AGBL1: variants seen among roughly 807,000 people sequenced by gnomAD.
AGBL1 encodes the protein AGBL carboxypeptidase 1.
In AGBL1, 130 loss-of-function variants were observed where a neutral mutation model predicts 118.9. That is an observed-to-expected ratio of 1.09 (90% confidence interval 0.95 to 1.26). AGBL1 has a LOEUF of 1.26. Ranked by LOEUF, AGBL1 falls within the 50% of genes most tolerant of loss-of-function variation. The pLI, the probability that AGBL1 is intolerant of heterozygous loss-of-function variation, is 0.00. For missense variants in AGBL1, 1,584 were observed against 1,298.1 expected (o/e 1.22, Z -3.38); for synonymous variants, 555 against 478.9 (o/e 1.16, Z -2.08).
chr15:86,191,369 A>AAG (rs1214347585), intron 5 of AGBL1, among the ~76,000 whole-genome samples: 51 of 145,118 alleles, frequency 3.5e-4, no homozygotes, highest in South Asian at 2.5e-3. Flanking sequence ...AAAAAAAAAA[A>AAG]AGAGAGAGAG....
At chr15:86,871,849 C>T (rs529786915) in intron 22 of AGBL1, among the ~76,000 whole-genome samples, 1 of 152,270 alleles carries the variant, frequency 6.6e-6, no homozygotes, top group South Asian at 2.1e-4. Flanking sequence ...TCTACATCAT[C>T]CCTCAAATGA....
At chr15:86,656,757 G>A (rs2085467140) in intron 21 of AGBL1, among the ~76,000 whole-genome samples, 1 of 151,806 alleles carries the variant, frequency 6.6e-6, no homozygotes, top group Non-Finnish European at 1.5e-5. Flanking sequence ...ATCTTCCATT[G>A]TTTACCTTCC....
intron 22 of AGBL1, among the ~76,000 whole-genome samples, chr15:86,870,972 G>A (rs2079719552): frequency 6.6e-6 from 1 of 152,192 alleles, no homozygotes; most frequent in Non-Finnish European, 1.5e-5. Flanking sequence ...GGGCTAGCTT[G>A]CCTTTGGTGC....
At chr15:86,410,841 T>TATATATATATATATAA (rs67883935) in intron 18 of AGBL1, among the ~76,000 whole-genome samples, 29 of 64,532 alleles carry the variant, frequency 4.5e-4, no homozygotes, top group African/African-American at 1.8e-3. Flanking sequence ...TATATATATA[T>TATATATATATATATAA]AATATACTAT....
chr15:86,460,041 C>T (rs1310983501), intron 18 of AGBL1, among the ~76,000 whole-genome samples: 1 of 151,936 alleles, frequency 6.6e-6, no homozygotes, highest in Non-Finnish European at 1.5e-5. Context: ...TAAATTGGGC[C>T]ATTGTTATTT....
intron 6 of AGBL1, among the ~76,000 whole-genome samples, chr15:86,235,807 TTGTGGTTGTCACATC>T (rs1230799048): frequency 1.3e-5 from 2 of 152,218 alleles, no homozygotes; most frequent in Non-Finnish European, 2.9e-5. Flanking sequence ...CTGGAGACAT[TTGTGGTTGTCACATC>T]TGTGGTGGGA....
At chr15:86,730,411 A>G (rs1023504590) in intron 22 of AGBL1, among the ~76,000 whole-genome samples, 4 of 152,236 alleles carry the variant, frequency 2.6e-5, no homozygotes, top group Admixed American at 1.3e-4. Context: ...CAAACAAGCA[A>G]AAAACTAGCA....
At chr15:86,611,528 G>A (rs773074355) in intron 21 of AGBL1, among the ~76,000 whole-genome samples, 101 of 152,242 alleles carry the variant, frequency 6.6e-4, no homozygotes, top group Non-Finnish European at 1.1e-3. Context: ...CTTAGAGGGA[G>A]GAATATTCAC....
intron 22 of AGBL1, among the ~76,000 whole-genome samples, chr15:86,730,435 T>G (rs1353736078): frequency 1.3e-5 from 2 of 152,212 alleles, no homozygotes; most frequent in Non-Finnish European, 2.9e-5. Flanking sequence ...CCATTAAACA[T>G]GGGCAAAGGA....
At chr15:86,586,163 C>T (rs756231770) in intron 21 of AGBL1, among the ~76,000 whole-genome samples, 1 of 152,148 alleles carries the variant, frequency 6.6e-6, no homozygotes, top group African/African-American at 2.4e-5. Context: ...TAATAAATCC[C>T]CCTCTCTCTT....
At chr15:86,568,193 A>G (rs996890680) in intron 21 of AGBL1, among the ~76,000 whole-genome samples, 1 of 152,176 alleles carries the variant, frequency 6.6e-6, no homozygotes, top group Non-Finnish European at 1.5e-5. Context: ...GGACACTCCC[A>G]GGTCAGGGTA....
At position 86,259,573 on chromosome 15, in the gene AGBL1, A is replaced by C. The variant is rs544128983; in HGVS notation, c.969+1542A>C. Among the ~76,000 whole-genome samples the C allele has an allele frequency of 4.6e-5, 7 of 152,318 alleles. No homozygotes were observed. The South Asian group carries it at 1.4e-3, about 32-fold the overall frequency. Reference sequence around the variant, plus strand: ...CTCACCCTGCTGATGGTAGTAGCAGACATACAGGGACTACCTCTTAAGCTA... The same window carrying C: ...CTCACCCTGCTGATGGTAGTAGCAGCCATACAGGGACTACCTCTTAAGCTA... On this transcript the variant is annotated intron_variant, in intron 9 of 22. Transcript: ENST00000614907.
At chr15:86,543,585 G>A (rs958420130) in intron 19 of AGBL1, among the ~76,000 whole-genome samples, 1 of 152,138 alleles carries the variant, frequency 6.6e-6, no homozygotes, top group African/African-American at 2.4e-5. Context: ...CTTAAAGTAG[G>A]CAATATTGTT....
intron 5 of AGBL1, among the ~76,000 whole-genome samples, chr15:86,179,363 A>C (rs763870922): frequency 2.0e-5 from 3 of 152,242 alleles, no homozygotes; most frequent in Non-Finnish European, 4.4e-5. Flanking sequence ...TACAAGATCA[A>C]GATCAAGTGA....
intron 5 of AGBL1, among the ~76,000 whole-genome samples, chr15:86,199,265 T>A (rs985602907): frequency 2.0e-5 from 3 of 152,224 alleles, no homozygotes; most frequent in African/African-American, 7.2e-5. Context: ...TATGGGAGAA[T>A]GTTGCGTGAA....
chr15:86,983,478 A>T (rs1033575958), intron 23 of AGBL1, among the ~76,000 whole-genome samples: 2 of 152,186 alleles, frequency 1.3e-5, no homozygotes, highest in African/African-American at 2.4e-5. Flanking sequence ...AATACCCCTG[A>T]AGGTCTTTTG....
chr15:86,451,797 C>T (rs540850127), intron 18 of AGBL1, among the ~76,000 whole-genome samples: 4 of 152,152 alleles, frequency 2.6e-5, no homozygotes, highest in Non-Finnish European at 5.9e-5. Context: ...CTTGTTTTCT[C>T]CCAATTCTAA....
intron 1 of AGBL1, among the ~76,000 whole-genome samples, chr15:86,102,744 G>A (rs990655099): frequency 6.6e-6 from 1 of 152,186 alleles, no homozygotes; most frequent in African/African-American, 2.4e-5. Context: ...TTGACAGTCT[G>A]ACTAAAATGT....
At chr15:86,588,598 C>T (rs895069928) in intron 21 of AGBL1, among the ~76,000 whole-genome samples, 1 of 152,218 alleles carries the variant, frequency 6.6e-6, no homozygotes, top group Non-Finnish European at 1.5e-5. Flanking sequence ...CCACGGCAAC[C>T]ACAACCTGAT....
Sources: gnomAD v4.1 joint callset for allele counts (sites outside exome capture counted in the v4.1 genomes callset) on GRCh38, gnomAD v4.1.1 for gene constraint, MANE v1.5 for transcripts, NCBI Gene and HGNC (gene_info 2026-07-23, HGNC 2026-07-21) for gene names.